HELLS: variants seen among roughly 807,000 people sequenced by gnomAD.
HELLS encodes lymphoid-specific helicase.
Under a neutral mutation model 120.0 loss-of-function variants are expected in HELLS, and 32 were observed. That is an observed-to-expected ratio of 0.27 (90% CI 0.20 to 0.36). The LOEUF (loss-of-function observed/expected upper bound fraction) is 0.36. HELLS is among the 10% of genes least tolerant of loss of function. The pLI is 1.00. For synonymous variants in HELLS, 341 were observed against 323.4 expected (o/e 1.05, Z -0.58); for missense variants, 650 against 993.4 (o/e 0.65, Z 4.65).
At chr10:94,593,971 A>AT (rs904284453) in intron 18 of HELLS, among the ~76,000 whole-genome samples, 1,261 of 122,270 alleles carry the variant, frequency 0.01, 10 homozygotes, top group East Asian at 0.029. Context: ...TCCATTCTGA[A>AT]TTTTTTTTTT....
intron 9 of HELLS, among the ~76,000 whole-genome samples, chr10:94,608,741 C>G (rs1846156067): frequency 6.6e-6 from 1 of 151,798 alleles, no homozygotes; most frequent in African/African-American, 2.4e-5. Flanking sequence ...ACTGAGCCTT[C>G]TGAGCAGCTG....
chr10:94,592,293 TA>T lies in HELLS; in HGVS notation c.1840del (p.Arg614GlufsTer11), dbSNP rs745837238. On this transcript the variant is annotated frameshift_variant, in exon 16 of 22. Coordinates refer to ENST00000348459, the MANE Select transcript of HELLS (RefSeq NM_018063.5). LOFTEE classifies it high-confidence loss of function. ...FLILDRMLPE[L>X]KKRGHKVLLF... ...ATTTTGGATCGAATGCTGCCAGAACTAAAAAAAAGAGGTCACAAGGTGGTAC... is the reference window on the plus strand; with the variant it reads ...ATTTTGGATCGAATGCTGCCAGAACTAAAAAAAGAGGTCACAAGGTGGTAC... 1.4e-5 allele frequency: 23 copies of T among 1,608,254 alleles called. No homozygotes were observed. Among genetic ancestry groups the T allele is most frequent in the Middle Eastern group, 1.7e-4 (1 of 6,050 alleles).
chr10:94,558,980 A>G (rs1424907120), intron 4 of HELLS, among the ~76,000 whole-genome samples: 1 of 152,136 alleles, frequency 6.6e-6, no homozygotes, highest in Non-Finnish European at 1.5e-5. Context: ...GGCTGATGCA[A>G]GGAGATAAAG....
chr10:94,604,215 C>T (rs1165434117), downstream of HELLS, among the ~76,000 whole-genome samples: 5 of 151,676 alleles, frequency 3.3e-5, no homozygotes. Context: ...ACATCTGCCC[C>T]CCGGGTTTAA....
At chr10:94,584,056 C>T in intron 12 of HELLS, 1 of 1,298,184 alleles carries the variant, frequency 7.7e-7, no homozygotes, top group Non-Finnish European at 1.1e-6. Flanking sequence ...AATTGCCCTC[C>T]AGAAAAGATT....
At chr10:94,593,440 T>C in intron 17 of HELLS, 59 bp from the exon 18 acceptor site, 1 of 1,060,654 alleles carries the variant, frequency 9.4e-7, no homozygotes, top group Non-Finnish European at 1.5e-6. Flanking sequence ...ATTTTTCTCC[T>C]TCAGTCTTGT....
At position 94,597,090 on chromosome 10, in the gene HELLS, T is replaced by G; in HGVS notation, c.2401T>G (p.Leu801Val). The G allele has an allele frequency of 6.3e-7, 1 of 1,596,422 alleles. No homozygotes were observed. The highest frequency in any genetic ancestry group is 8.6e-7 in the Non-Finnish European group (1 of 1,164,928). Residue 801 changes from leucine (L) to valine (V), a missense_variant, in exon 21 of 22, where the codon TTA becomes GTA. Physicochemically the swap from Leu to Val is conservative, Grantham distance 32. Transcript: ENST00000348459. ...TAGTGATAAAGATCTAGAGTTGTTGTTAGATCGAAGTGATCTTATTGGTAA... is the reference window on the plus strand; with the variant it reads ...TAGTGATAAAGATCTAGAGTTGTTGGTAGATCGAAGTGATCTTATTGGTAA... ...VISDKDLELL[L>V]DRSDLIDQMN...
At chr10:94,594,383 A>G (rs35805353) in intron 18 of HELLS, among the ~76,000 whole-genome samples, 31,073 of 151,996 alleles carry the variant, frequency 0.2, 3,328 homozygotes, top group South Asian at 0.35. Context: ...ACCACGTCTC[A>G]CTGTTTGCCC....
chr10:94,585,272 A>G (rs577650605), intron 12 of HELLS, among the ~76,000 whole-genome samples: 139 of 151,828 alleles, frequency 9.2e-4, no homozygotes, highest in Middle Eastern at 6.8e-3. Flanking sequence ...ATAAACATTT[A>G]GAAATTAAAA....
chr10:94,563,813 T>C (rs1044635132), intron 6 of HELLS, among the ~76,000 whole-genome samples: 4 of 150,502 alleles, frequency 2.7e-5, no homozygotes, highest in East Asian at 1.9e-4. Flanking sequence ...CTTTTCTTTT[T>C]TTTTTTTTTT....
intron 6 of HELLS, among the ~76,000 whole-genome samples, chr10:94,568,002 C>T (rs994362633): frequency 2.6e-5 from 4 of 151,234 alleles, no homozygotes; most frequent in East Asian, 1.9e-4. Flanking sequence ...CTCCGCCTCC[C>T]GGGTTCAAGT....
rs948221988 is a variant in HELLS, at chr10:94,593,528, G to A, written c.2001G>A (p.Val667=). The part of the protein sequence containing the change: ...NMHSFNTDPE[V]FIFLVSTRAG... ...ACAGCTTCAACACGGATCCAGAGGTGTTTATCTTCTTAGTGAGTACACGAG... is the reference window on the plus strand; with the variant it reads ...ACAGCTTCAACACGGATCCAGAGGTATTTATCTTCTTAGTGAGTACACGAG... The change falls in exon 18 of 22, where the codon GTG becomes GTA. Residue 667 remains valine (V), a synonymous_variant. Transcript: ENST00000348459. The A allele has an allele frequency of 2.6e-5, 42 of 1,613,266 alleles. No individual in the cohort carries two copies. Among genetic ancestry groups the A allele is most frequent in the Non-Finnish European group, 3.1e-5 (37 of 1,179,368 alleles).
chr10:94,561,884 A>AGGG (rs1843573016), intron 4 of HELLS, among the ~76,000 whole-genome samples: 1 of 151,910 alleles, frequency 6.6e-6, no homozygotes, highest in African/African-American at 2.4e-5. Flanking sequence ...TTCACAATGA[A>AGGG]TATTCCTTCA....
intron 19 of HELLS, 84 bp downstream of exon 19, chr10:94,594,938 T>C (rs1845668716): frequency 9.3e-7 from 1 of 1,069,738 alleles, no homozygotes; most frequent in Non-Finnish European, 1.3e-6. Context: ...TTATAAAATA[T>C]TACAGCCTGG....
downstream of HELLS, among the ~76,000 whole-genome samples, chr10:94,603,882 C>T (rs1236698048): frequency 6.6e-6 from 1 of 151,926 alleles, no homozygotes; most frequent in African/African-American, 2.4e-5. Context: ...GGCTGGAGTG[C>T]AGTAGTGCAA....
intron 21 of HELLS, among the ~76,000 whole-genome samples, chr10:94,599,937 A>G (rs1845944299): frequency 6.6e-6 from 1 of 152,216 alleles, no homozygotes; most frequent in Non-Finnish European, 1.5e-5. Flanking sequence ...GTTACTACAA[A>G]GTGTAAGTCA....
intron 10 of HELLS, chr10:94,577,335 C>A: frequency 4.1e-6 from 1 of 244,354 alleles, no homozygotes; most frequent in South Asian, 4.6e-5. Flanking sequence ...TTCCTCACTG[C>A]TCTACCTCAT....
At chr10:94,598,611 T>G (rs12219975) in intron 21 of HELLS, among the ~76,000 whole-genome samples, 6 of 103,844 alleles carry the variant, frequency 5.8e-5, no homozygotes, top group Admixed American at 2.7e-4. Flanking sequence ...TGGAAGTTTT[T>G]TTTTTTTTTT....
chr10:94,572,403 C>T (rs1222900690), intron 7 of HELLS, among the ~76,000 whole-genome samples: 3 of 152,156 alleles, frequency 2.0e-5, no homozygotes, highest in African/African-American at 4.8e-5. Flanking sequence ...TGTCTTTCCA[C>T]CCCCAAACCC....
Sources: allele counts gnomAD v4.1 joint callset (sites outside exome capture counted in the v4.1 genomes callset), GRCh38; gene constraint gnomAD v4.1.1; transcripts MANE v1.5; gene names NCBI Gene and HGNC (gene_info 2026-07-23, HGNC 2026-07-21).